KDM4C: variants seen among roughly 807,000 people sequenced by gnomAD.
The protein encoded by KDM4C is lysine demethylase 4C, also known as lysine-specific demethylase 4C.
A neutral mutation model predicts 129.3 loss-of-function variants in KDM4C; 81 were observed. The ratio of observed to expected loss-of-function variants is 0.63; its 90% CI spans 0.52 to 0.75. The LOEUF (loss-of-function observed/expected upper bound fraction) is 0.75. Among genes scored for constraint, KDM4C ranks in the 30% least tolerant of loss-of-function variants. The pLI is 0.00. For synonymous variants in KDM4C, 573 were observed against 456.1 expected (o/e 1.26, Z -3.26); for missense variants, 1,457 against 1,304.0 (o/e 1.12, Z -1.81).
intron 17 of KDM4C, among the ~76,000 whole-genome samples, chr9:7,053,513 C>T (rs1208482327): frequency 6.6e-6 from 1 of 152,152 alleles, no homozygotes; most frequent in African/African-American, 2.4e-5. Context: ...CATCCAGCCA[C>T]CTTGCTTGGT....
chr9:6,970,802 C>G (rs1189648164), intron 8 of KDM4C, among the ~76,000 whole-genome samples: 1 of 138,452 alleles, frequency 7.2e-6, no homozygotes, highest in African/African-American at 2.6e-5. Flanking sequence ...CACCCCCCGC[C>G]CCTAACCCCC....
intron 8 of KDM4C, among the ~76,000 whole-genome samples, chr9:6,950,599 G>T (rs1320547309): frequency 6.6e-6 from 1 of 152,188 alleles, no homozygotes; most frequent in Non-Finnish European, 1.5e-5. Context: ...GCTGGTTTAA[G>T]TGAGATTATC....
intron 18 of KDM4C, among the ~76,000 whole-genome samples, chr9:7,111,208 A>G (rs1838283371): frequency 6.6e-6 from 1 of 152,126 alleles, no homozygotes; most frequent in Non-Finnish European, 1.5e-5. Context: ...AACTTATTTA[A>G]TCTTCAGTGT....
At chr9:6,924,994 G>C (rs1822216551) in intron 8 of KDM4C, 5 of 985,364 alleles carry the variant, frequency 5.1e-6, no homozygotes, top group Non-Finnish European at 6.0e-6. Context: ...TTTTGTATTA[G>C]TGAATCTTAG....
intron 8 of KDM4C, among the ~76,000 whole-genome samples, chr9:6,919,242 C>CT (rs1820924357): frequency 1.1e-5 from 1 of 94,666 alleles, no homozygotes; most frequent in Admixed American, 9.3e-5. Context: ...TTCTTTCTTT[C>CT]TTTCTTTTCT....
chr9:6,952,667 C>T (rs1452592141), intron 8 of KDM4C, among the ~76,000 whole-genome samples: 1 of 152,086 alleles, frequency 6.6e-6, no homozygotes, highest in African/African-American at 2.4e-5. Flanking sequence ...TCTCAAACTC[C>T]TGACCTCAGT....
At chr9:6,984,488 A>G in intron 10 of KDM4C, 84 bp downstream of exon 10, 5 of 852,536 alleles carry the variant, frequency 5.9e-6, no homozygotes, top group Admixed American at 3.6e-5. Context: ...CACTATGACA[A>G]GTATCTGACT....
intron 19 of KDM4C, among the ~76,000 whole-genome samples, chr9:7,158,179 C>G (rs947796355): frequency 2.0e-5 from 3 of 152,042 alleles, no homozygotes; most frequent in Non-Finnish European, 4.4e-5. Context: ...GTAGTATTCT[C>G]TGTGGGATCA....
chr9:6,901,330 C>T (rs1817373668), intron 8 of KDM4C, among the ~76,000 whole-genome samples: 1 of 152,176 alleles, frequency 6.6e-6, no homozygotes, highest in Non-Finnish European at 1.5e-5. Context: ...GCAGGTTCTG[C>T]TGAGGTGACA....
chr9:7,111,756 T>C (rs570645496), intron 18 of KDM4C, among the ~76,000 whole-genome samples: 4 of 152,266 alleles, frequency 2.6e-5, no homozygotes, highest in African/African-American at 9.6e-5. Flanking sequence ...GTGAAGTAGA[T>C]TGGGTGATCA....
intron 20 of KDM4C, among the ~76,000 whole-genome samples, chr9:7,167,677 A>G (rs1319812827): frequency 1.3e-5 from 2 of 152,142 alleles, no homozygotes; most frequent in Non-Finnish European, 2.9e-5. Context: ...AATACGTTCA[A>G]TTGTATGTTT....
chr9:6,837,999 G>A (rs1836202327), intron 4 of KDM4C, among the ~76,000 whole-genome samples: 1 of 151,980 alleles, frequency 6.6e-6, no homozygotes, highest in Admixed American at 6.6e-5. Flanking sequence ...CTATGTTAAT[G>A]TCCTAAATAT....
At chr9:6,838,748 T>G (rs1205857330) in intron 4 of KDM4C, among the ~76,000 whole-genome samples, 1 of 151,986 alleles carries the variant, frequency 6.6e-6, no homozygotes, top group Non-Finnish European at 1.5e-5. Context: ...AATAAAGATT[T>G]AAGGAGTACA....
chr9:6,766,861 T>C (rs1011373218), intron 1 of KDM4C, among the ~76,000 whole-genome samples: 7 of 152,122 alleles, frequency 4.6e-5, no homozygotes, highest in Non-Finnish European at 8.8e-5. Context: ...CGTTTTCTCT[T>C]GTTGAATAAG....
chr9:6,961,958 GGC>G (rs1414502670), intron 8 of KDM4C, among the ~76,000 whole-genome samples: 19 of 152,140 alleles, frequency 1.2e-4, no homozygotes, highest in Non-Finnish European at 1.5e-5. Context: ...AATGCCTGCT[GGC>G]CTTCACAAGT....
chr9:6,941,482 T>C (rs1405161364), intron 8 of KDM4C: 1 of 152,174 alleles, frequency 6.6e-6, no homozygotes, highest in Non-Finnish European at 1.5e-5. Flanking sequence ...TGAAAACAAA[T>C]TATCAGAACA....
intron 5 of KDM4C, among the ~76,000 whole-genome samples, chr9:6,869,515 A>G (rs1163276220): frequency 6.6e-6 from 1 of 152,252 alleles, no homozygotes; most frequent in Admixed American, 6.5e-5. Flanking sequence ...ATAGTGCTCC[A>G]GGAATAATAC....
intron 1 of KDM4C, among the ~76,000 whole-genome samples, chr9:6,764,177 A>G (rs1295626545): frequency 6.6e-6 from 1 of 152,250 alleles, no homozygotes; most frequent in Non-Finnish European, 1.5e-5. Flanking sequence ...AGAGATTTCT[A>G]GAGAATGGTA....
At chr9:7,002,463 C>T (rs1307625307) in intron 12 of KDM4C, among the ~76,000 whole-genome samples, 1 of 152,120 alleles carries the variant, frequency 6.6e-6, no homozygotes, top group Non-Finnish European at 1.5e-5. Context: ...GAGACTTTTA[C>T]TGTGTTAGCA....
Sources: allele counts gnomAD v4.1 joint callset (sites outside exome capture counted in the v4.1 genomes callset), GRCh38; gene constraint gnomAD v4.1.1; transcripts MANE v1.5; gene names NCBI Gene and HGNC (gene_info 2026-07-23, HGNC 2026-07-21).